The following WDR7 variants were observed in gnomAD, a reference collection of about 807,000 sequenced individuals.
WDR7 encodes the protein WD repeat-containing protein 7.
In WDR7, 46 loss-of-function variants were observed where a neutral mutation model predicts 169.4. The observed-to-expected ratio is 0.27, with a 90% CI of 0.21 to 0.35. WDR7 has a LOEUF of 0.35. Among genes scored for constraint, WDR7 ranks in the 10% least tolerant of loss-of-function variants. The pLI, the probability that WDR7 is intolerant of heterozygous loss-of-function variation, is 1.00. For missense variants in WDR7, 1,534 were observed against 1,859.3 expected (o/e 0.83, Z 3.22); for synonymous variants, 612 against 666.8 (o/e 0.92, Z 1.27).
chr18:56,908,548 G>A (rs961596904), intron 21 of WDR7, among the ~76,000 whole-genome samples: 8 of 152,144 alleles, frequency 5.3e-5, no homozygotes, highest in African/African-American at 1.7e-4. Context: ...AACAAGTATT[G>A]TATATAATAT....
At chr18:56,900,274 A>G (rs2046385369) in intron 21 of WDR7, among the ~76,000 whole-genome samples, 1 of 152,072 alleles carries the variant, frequency 6.6e-6, no homozygotes, top group South Asian at 2.1e-4. Context: ...AGAAGGTAGA[A>G]TTTTCTAGAA....
rs111421145 is a variant in WDR7, at chr18:56,736,890, A to G, written c.1989+5293A>G. ...GCATTTATGTTGGTGGGAGGATAACAGGTGGGACAATGCAGGAGGACATGG... is the reference window on the plus strand; with the variant it reads ...GCATTTATGTTGGTGGGAGGATAACGGGTGGGACAATGCAGGAGGACATGG... On this transcript the variant is annotated intron_variant, in intron 14 of 27. Transcript: ENST00000254442. Among the ~76,000 whole-genome samples the G allele has an allele frequency of 3.4e-3, 523 of 152,276 alleles. 3 individuals are homozygous for G. The highest frequency in any genetic ancestry group is 0.031 in the East Asian group (163 of 5,184).
intron 27 of WDR7, among the ~76,000 whole-genome samples, chr18:57,022,949 A>G (rs540448838): frequency 1.2e-4 from 18 of 152,236 alleles, no homozygotes; most frequent in African/African-American, 3.6e-4. Flanking sequence ...AAGCTCACCT[A>G]CTCCAAGGGC....
chr18:56,967,357 A>G (rs1278184479), intron 26 of WDR7, among the ~76,000 whole-genome samples: 2 of 152,022 alleles, frequency 1.3e-5, no homozygotes, highest in Non-Finnish European at 2.9e-5. Context: ...TTTACTTGGG[A>G]ACCGCCAGCA....
chr18:56,681,653 C>A (rs1462624051), intron 4 of WDR7, among the ~76,000 whole-genome samples: 1 of 152,182 alleles, frequency 6.6e-6, no homozygotes, highest in Non-Finnish European at 1.5e-5. Flanking sequence ...ACCTTGGTTA[C>A]CCAAGTGAGA....
At position 57,029,177 on chromosome 18, in the gene WDR7, G is replaced by A. The variant is rs763599671; in HGVS notation, c.*1970G>A. Reference sequence around the variant, plus strand: ...TGTGTCAGGAAAGAGGTGTGAGAGTGGTAGGCAGCCTGCCGCAAACACACG... The same window carrying A: ...TGTGTCAGGAAAGAGGTGTGAGAGTAGTAGGCAGCCTGCCGCAAACACACG... On this transcript the variant is annotated 3_prime_UTR_variant, in exon 28 of 28. Transcript: ENST00000254442. 2 of 152,124 alleles carry A rather than the reference G, an allele frequency of 1.3e-5. No individual in the cohort carries two copies. Among genetic ancestry groups the A allele is most frequent in the Admixed American group, 6.5e-5 (1 of 15,278 alleles). 9.4% of individuals were successfully genotyped at this position (152,124 alleles called of 1,614,324 possible). A position where few individuals can be genotyped will look rare whatever the true frequency, so the allele number is the denominator to read the frequency against.
intron 20 of WDR7, among the ~76,000 whole-genome samples, chr18:56,832,191 G>A (rs754646163): frequency 1.1e-4 from 17 of 152,134 alleles, no homozygotes; most frequent in Non-Finnish European, 1.8e-4. Context: ...TTCAGTAGGC[G>A]GTTTTCCTCT....
chr18:56,967,184 C>T (rs1490702851), intron 26 of WDR7, among the ~76,000 whole-genome samples: 3 of 151,304 alleles, frequency 2.0e-5, no homozygotes, highest in African/African-American at 4.9e-5. Context: ...ATAGGGAGCG[C>T]TTGGGTGGAA....
At chr18:56,824,148 A>G (rs192624725) in intron 20 of WDR7, among the ~76,000 whole-genome samples, 4 of 152,306 alleles carry the variant, frequency 2.6e-5, no homozygotes, top group Admixed American at 2.0e-4. Context: ...TTTGTGATTC[A>G]TACTTTGCAT....
intron 12 of WDR7, among the ~76,000 whole-genome samples, chr18:56,712,083 A>C (rs1024352349): frequency 1.3e-5 from 2 of 152,260 alleles, no homozygotes; most frequent in Non-Finnish European, 2.9e-5. Flanking sequence ...GAAGAAAAAG[A>C]GTAATTTAGT....
rs577458632 is a variant in WDR7, at chr18:56,842,913, A to C, written c.3304+26769A>C. On this transcript the variant is annotated intron_variant, in intron 20 of 27. Coordinates refer to ENST00000254442, the MANE Select transcript of WDR7 (RefSeq NM_015285.3). Reference sequence around the variant, plus strand: ...TGACACATTTATGTGCTACTAGAAAATTACAGACATTTTACACCAAAAAAG... The same window carrying C: ...TGACACATTTATGTGCTACTAGAAACTTACAGACATTTTACACCAAAAAAG... Among the ~76,000 whole-genome samples the C allele has an allele frequency of 5.3e-5, 8 of 152,292 alleles. No individual in the cohort carries two copies. In the South Asian group the frequency reaches 1.7e-3, roughly 32 times the overall value.
intron 20 of WDR7, among the ~76,000 whole-genome samples, chr18:56,865,243 G>A (rs60037033): frequency 0.057 from 8,603 of 151,952 alleles, 863 homozygotes; most frequent in African/African-American, 0.2. Flanking sequence ...TGACATCTCT[G>A]GACTGAAAGG....
intron 20 of WDR7, chr18:56,873,684 T>C (rs1233888278): frequency 6.6e-6 from 1 of 152,378 alleles, no homozygotes; most frequent in Admixed American, 6.5e-5. Context: ...AGCTGCTTCA[T>C]TGGCTTCTTT....
At chr18:56,906,522 CT>C in intron 21 of WDR7, among the ~76,000 whole-genome samples, 1 of 147,330 alleles carries the variant, frequency 6.8e-6, no homozygotes, top group Non-Finnish European at 1.5e-5. Flanking sequence ...CTTCTTTTTT[CT>C]TTTTCTTTCT....
intron 20 of WDR7, among the ~76,000 whole-genome samples, chr18:56,855,355 T>G (rs755918019): frequency 6.6e-6 from 1 of 152,178 alleles, no homozygotes; most frequent in Non-Finnish European, 1.5e-5. Flanking sequence ...TATCTTATAT[T>G]TTCATTTTCT....
intron 16 of WDR7, 44 bp from the exon 17 acceptor site, chr18:56,776,738 A>G: frequency 6.5e-7 from 1 of 1,544,956 alleles, no homozygotes; most frequent in Non-Finnish European, 8.9e-7. Flanking sequence ...AAACTGCTGT[A>G]CTTCAATTCT....
chr18:57,007,060 A>C (rs530206249), intron 26 of WDR7, among the ~76,000 whole-genome samples: 16 of 151,490 alleles, frequency 1.1e-4, no homozygotes, highest in African/African-American at 3.9e-4. Context: ...GCTCACTGCA[A>C]GCTCCACCTC....
At chr18:56,902,293 A>G (rs1018885943) in intron 21 of WDR7, among the ~76,000 whole-genome samples, 3 of 152,190 alleles carry the variant, frequency 2.0e-5, no homozygotes, top group Non-Finnish European at 4.4e-5. Context: ...ATTGCCCAGA[A>G]ATCATAGTGC....
At chr18:56,739,334 A>G (rs1207182180) in intron 14 of WDR7, among the ~76,000 whole-genome samples, 3 of 152,130 alleles carry the variant, frequency 2.0e-5, no homozygotes, top group Non-Finnish European at 4.4e-5. Context: ...GACTTATTAC[A>G]GTCTAAAACA....
Sources: gnomAD v4.1 joint callset for allele counts (sites outside exome capture counted in the v4.1 genomes callset) on GRCh38, gnomAD v4.1.1 for gene constraint, MANE v1.5 for transcripts, NCBI Gene and HGNC (gene_info 2026-07-23, HGNC 2026-07-21) for gene names.